UNC13C: variants seen among roughly 807,000 people sequenced by gnomAD.
The protein encoded by UNC13C is protein unc-13 homolog C.
Under a neutral mutation model 245.4 loss-of-function variants are expected in UNC13C, and 174 were observed. That is an observed-to-expected ratio of 0.71 (90% CI 0.63 to 0.80). The LOEUF (loss-of-function observed/expected upper bound fraction) is 0.80, where lower values mean the gene tolerates loss of function less well. UNC13C is among the 30% of genes least tolerant of loss of function. The pLI, the probability that UNC13C is intolerant of heterozygous loss-of-function variation, is 0.00. For missense variants in UNC13C, 2,829 were observed against 2,602.9 expected (o/e 1.09, Z -1.89); for synonymous variants, 992 against 895.1 (o/e 1.11, Z -1.93).
At chr15:54,475,042 C>T (rs969067964) in intron 19 of UNC13C, among the ~76,000 whole-genome samples, 1 of 151,958 alleles carries the variant, frequency 6.6e-6, no homozygotes, top group African/African-American at 2.4e-5. Context: ...TAGGCCCTAC[C>T]TACAACATTA....
At chr15:54,089,883 T>TGTGGGA (rs1899467358) in intron 2 of UNC13C, among the ~76,000 whole-genome samples, 1 of 152,106 alleles carries the variant, frequency 6.6e-6, no homozygotes. Flanking sequence ...CCTGCTGACT[T>TGTGGGA]GTGGGAGTGG....
chr15:54,300,356 C>T lies in UNC13C; in HGVS notation c.4251C>T (p.Ser1417=), dbSNP rs945907032. The T allele has an allele frequency of 2.2e-5, 34 of 1,575,436 alleles. No homozygotes were observed. The Admixed American group carries it at 3.0e-4, about 14-fold the overall frequency. The change falls in exon 13 of 33, where the codon TCC becomes TCT. Residue 1417 remains serine (S), a synonymous_variant. Coordinates refer to ENST00000260323, the MANE Select transcript of UNC13C (RefSeq NM_001080534.3). ...DEFAMRYGIE[S]IYQAMTHFSC... Reference sequence around the variant, plus strand: ...TTGCTATGCGTTATGGAATTGAATCCATTTATCAAGCTATGACGTAAGTAC... The same window carrying T: ...TTGCTATGCGTTATGGAATTGAATCTATTTATCAAGCTATGACGTAAGTAC...
intron 30 of UNC13C, 148 bp from the exon 31 acceptor site, chr15:54,622,179 G>A (rs1900836741): frequency 8.5e-6 from 5 of 586,956 alleles, no homozygotes; most frequent in African/African-American, 5.6e-5. Flanking sequence ...ATACTTAAGT[G>A]AATATTTATC....
chr15:54,229,914 A>G (rs1392936186), intron 4 of UNC13C, among the ~76,000 whole-genome samples: 2 of 151,868 alleles, frequency 1.3e-5, no homozygotes, highest in Admixed American at 6.6e-5. Flanking sequence ...ACTTAACATA[A>G]TGTCCTTCAG....
intron 19 of UNC13C, among the ~76,000 whole-genome samples, chr15:54,491,033 A>G (rs578165150): frequency 1.3e-5 from 2 of 152,224 alleles, no homozygotes; most frequent in Non-Finnish European, 2.9e-5. Context: ...AAGTTAACAT[A>G]TCACCCTTTC....
intron 8 of UNC13C, among the ~76,000 whole-genome samples, chr15:54,261,921 A>C (rs1419626154): frequency 6.6e-6 from 1 of 152,136 alleles, no homozygotes; most frequent in East Asian, 1.9e-4. Context: ...GTCTCTATTA[A>C]CCTGCTGTCC....
intron 4 of UNC13C, among the ~76,000 whole-genome samples, chr15:54,179,328 G>A (rs964820339): frequency 1.3e-5 from 2 of 152,088 alleles, no homozygotes; most frequent in Admixed American, 1.3e-4. Flanking sequence ...TCCAATAATG[G>A]ATTTAGTCTG....
intron 30 of UNC13C, among the ~76,000 whole-genome samples, chr15:54,584,176 G>A (rs1265138048): frequency 6.6e-6 from 1 of 152,168 alleles, no homozygotes; most frequent in Non-Finnish European, 1.5e-5. Flanking sequence ...TCCAAAGAGA[G>A]ACCTGAAGAC....
the UNC13C span, among the ~76,000 whole-genome samples, chr15:53,884,635 A>G: frequency 1.3e-5 from 2 of 152,114 alleles, no homozygotes; most frequent in Admixed American, 1.3e-4. Context: ...GCACCTGGCC[A>G]ACTACTTCAC....
chr15:54,356,785 T>C (rs534182993), intron 17 of UNC13C, among the ~76,000 whole-genome samples: 1 of 152,328 alleles, frequency 6.6e-6, no homozygotes, highest in South Asian at 2.1e-4. Flanking sequence ...GTAGTCATTG[T>C]CTTAATAGTT....
intron 19 of UNC13C, among the ~76,000 whole-genome samples, chr15:54,437,375 A>C (rs1890277365): frequency 6.6e-6 from 1 of 151,954 alleles, no homozygotes; most frequent in South Asian, 2.1e-4. Flanking sequence ...GAACTCACTC[A>C]ACAGATGCTC....
At chr15:54,002,237 G>C (rs1273023862) in intron 1 of UNC13C, among the ~76,000 whole-genome samples, 1 of 152,158 alleles carries the variant, frequency 6.6e-6, no homozygotes, top group Non-Finnish European at 1.5e-5. Context: ...AGTGAGCCAA[G>C]ATTGCACCAC....
chr15:54,282,262 T>TACATACATATAC (rs1249631673), intron 10 of UNC13C, among the ~76,000 whole-genome samples: 1 of 152,224 alleles, frequency 6.6e-6, no homozygotes, highest in Non-Finnish European at 1.5e-5. Flanking sequence ...AACACATGTA[T>TACATACATATAC]ACATACATAT....
chr15:53,890,388 G>A, the UNC13C span, among the ~76,000 whole-genome samples: 50 of 152,196 alleles, frequency 3.3e-4, no homozygotes, highest in Admixed American at 2.8e-3. Flanking sequence ...TGATCCACCC[G>A]CCATGGCCTC....
At chr15:54,117,843 A>T (rs890047295) in intron 2 of UNC13C, among the ~76,000 whole-genome samples, 2 of 152,102 alleles carry the variant, frequency 1.3e-5, no homozygotes, top group African/African-American at 4.8e-5. Flanking sequence ...GGCCTCCCAA[A>T]GTGCTGAGGT....
chr15:54,251,197 GCCTGCCTGGCAGGAT>G (rs2036144275), intron 8 of UNC13C, among the ~76,000 whole-genome samples: 1 of 152,178 alleles, frequency 6.6e-6, no homozygotes, highest in Non-Finnish European at 1.5e-5. Flanking sequence ...CCTATCTGGT[GCCTGCCTGGCAGGAT>G]CCATGTCCTT....
At chr15:54,466,853 T>A (rs1163019368) in intron 19 of UNC13C, among the ~76,000 whole-genome samples, 1 of 151,896 alleles carries the variant, frequency 6.6e-6, no homozygotes, top group Admixed American at 6.6e-5. Context: ...TAATAATGGC[T>A]ATGCAAATAA....
At chr15:54,092,481 G>A (rs1402839896) in intron 2 of UNC13C, among the ~76,000 whole-genome samples, 1 of 152,096 alleles carries the variant, frequency 6.6e-6, no homozygotes, top group African/African-American at 2.4e-5. Context: ...AACACAGTGA[G>A]GTAAGTGTTA....
chr15:54,501,871 G>A (rs1399420430), intron 22 of UNC13C, among the ~76,000 whole-genome samples: 1 of 152,152 alleles, frequency 6.6e-6, no homozygotes. Flanking sequence ...GGGAAGGGCA[G>A]GGAGAAACAA....
Sources: gnomAD v4.1 joint callset for allele counts (sites outside exome capture counted in the v4.1 genomes callset) on GRCh38, gnomAD v4.1.1 for gene constraint, MANE v1.5 for transcripts, NCBI Gene and HGNC (gene_info 2026-07-23, HGNC 2026-07-21) for gene names.